RALGPS2: variants seen among roughly 807,000 people sequenced by gnomAD.
RALGPS2 encodes Ral GEF with PH domain and SH3 binding motif 2, also known as ras-specific guanine nucleotide-releasing factor RalGPS2.
Under a neutral mutation model 86.8 loss-of-function variants are expected in RALGPS2, and 43 were observed. The observed-to-expected ratio is 0.50, with a 90% CI of 0.39 to 0.64. The LOEUF is 0.64. RALGPS2 is among the 30% of genes least tolerant of loss of function. The probability of loss-of-function intolerance (pLI) is 0.00; values close to 1 mark genes in which losing one functional copy is unlikely to be tolerated. For synonymous variants in RALGPS2, 243 were observed against 231.3 expected, an observed-to-expected ratio of 1.05 and a Z score of -0.46; for missense variants, 536 against 694.6, an observed-to-expected ratio of 0.77 and a Z score of 2.57.
intron 1 of RALGPS2, among the ~76,000 whole-genome samples, chr1:178,768,621 T>C (rs1353372605): frequency 1.3e-5 from 2 of 152,294 alleles, no homozygotes; most frequent in Non-Finnish European, 2.9e-5. Flanking sequence ...GGCAGTGGGC[T>C]GATTTGTGGA....
intron 4 of RALGPS2, among the ~76,000 whole-genome samples, chr1:178,797,398 A>G (rs368903604): frequency 6.6e-6 from 1 of 152,166 alleles, no homozygotes; most frequent in Non-Finnish European, 1.5e-5. Flanking sequence ...CCAGGTAACC[A>G]TAAATGCATG....
intron 19 of RALGPS2, among the ~76,000 whole-genome samples, chr1:178,916,091 C>T (rs1345550925): frequency 2.6e-5 from 4 of 152,106 alleles, no homozygotes; most frequent in Non-Finnish European, 5.9e-5. Context: ...TTGTCTCTAC[C>T]CCTTCTCCTG....
chr1:178,884,325 A>G (rs112015134), intron 11 of RALGPS2, among the ~76,000 whole-genome samples: 2 of 152,216 alleles, frequency 1.3e-5, no homozygotes, highest in African/African-American at 4.8e-5. Context: ...GATATTATGC[A>G]TATACCACAA....
chr1:178,783,173 G>A lies in RALGPS2; in HGVS notation c.58-1245G>A, dbSNP rs140830068. On this transcript the variant is annotated intron_variant, in intron 2 of 19. Transcript: ENST00000367635. ...TATTAAAACTATTAAGAATTGAAAA[G>A]AAATGCTAGGATTCAAAAGCACTGT... Among the ~76,000 whole-genome samples the A allele has an allele frequency of 9.1e-4, 139 of 152,242 alleles. 1 individual carries two copies. The highest frequency in any genetic ancestry group is 3.2e-3 in the African/African-American group (135 of 41,556).
At chr1:178,900,258 A>G (rs1245798871) in intron 17 of RALGPS2, among the ~76,000 whole-genome samples, 1 of 152,004 alleles carries the variant, frequency 6.6e-6, no homozygotes, top group African/African-American at 2.4e-5. Context: ...GGAAGTCTGT[A>G]TACCTTATTT....
intron 8 of RALGPS2, among the ~76,000 whole-genome samples, chr1:178,855,195 G>A (rs1387883239): frequency 1.3e-5 from 2 of 151,920 alleles, no homozygotes; most frequent in African/African-American, 4.8e-5. Context: ...GTCTTACTGG[G>A]ATAGAATTAA....
chr1:178,853,485 G>T, intron 8 of RALGPS2: 2 of 953,268 alleles, frequency 2.1e-6, no homozygotes, highest in Middle Eastern at 5.7e-4. Flanking sequence ...AAAACATATG[G>T]ATAGTTATTT....
intron 1 of RALGPS2, chr1:178,746,677 T>G: frequency 1.3e-6 from 1 of 772,508 alleles, no homozygotes; most frequent in Non-Finnish European, 2.4e-6. Context: ...TCTCAAGTCA[T>G]GAATATTAGG....
intron 8 of RALGPS2, among the ~76,000 whole-genome samples, chr1:178,867,071 G>A (rs1658460651): frequency 6.6e-6 from 1 of 152,046 alleles, no homozygotes; most frequent in Non-Finnish European, 1.5e-5. Context: ...CTAAGACAGA[G>A]CTTTTCTGTC....
chr1:178,852,402 T>A (rs1389826338), intron 8 of RALGPS2, among the ~76,000 whole-genome samples: 1 of 152,210 alleles, frequency 6.6e-6, no homozygotes, highest in South Asian at 2.1e-4. Flanking sequence ...TAGTATTTGT[T>A]ATGAATTGTA....
intron 7 of RALGPS2, among the ~76,000 whole-genome samples, chr1:178,821,993 A>C (rs72707205): frequency 1.3e-5 from 2 of 152,152 alleles, no homozygotes; most frequent in African/African-American, 4.8e-5. Flanking sequence ...TATTCAACTG[A>C]TGGAAGGTAT....
At chr1:178,905,777 A>G (rs1025984675) in intron 18 of RALGPS2, among the ~76,000 whole-genome samples, 1 of 152,208 alleles carries the variant, frequency 6.6e-6, no homozygotes, top group African/African-American at 2.4e-5. Flanking sequence ...ACATATAACC[A>G]TTTAAAATAT....
At chr1:178,841,674 T>C in intron 8 of RALGPS2, among the ~76,000 whole-genome samples, 1 of 79,670 alleles carries the variant, frequency 1.3e-5, no homozygotes, top group African/African-American at 5.2e-5. Flanking sequence ...GAGAAGGAAA[T>C]AAAGGGTATT....
At chr1:178,792,895 C>T (rs1358212405) in intron 4 of RALGPS2, among the ~76,000 whole-genome samples, 1 of 151,924 alleles carries the variant, frequency 6.6e-6, no homozygotes, top group Non-Finnish European at 1.5e-5. Context: ...ATTAATATAC[C>T]CTTGCAACTC....
chr1:178,778,616 T>G (rs1164015060), intron 2 of RALGPS2, among the ~76,000 whole-genome samples: 1 of 117,024 alleles, frequency 8.5e-6, no homozygotes, highest in Non-Finnish European at 1.8e-5. Context: ...GCGGCATTAT[T>G]CACAATAGCA....
At chr1:178,837,915 A>T (rs1656362177) in intron 8 of RALGPS2, among the ~76,000 whole-genome samples, 1 of 152,228 alleles carries the variant, frequency 6.6e-6, no homozygotes, top group South Asian at 2.1e-4. Context: ...CCACGCCCAC[A>T]GAGCCTTGTT....
In RALGPS2 at chr1:178,835,082, G is replaced by A. The variant is rs1439893128; in HGVS notation, c.607+1532G>A. Among the ~76,000 whole-genome samples the A allele has an allele frequency of 4.6e-5, 7 of 152,158 alleles. No homozygotes were observed. In the East Asian group the frequency reaches 1.3e-3, roughly 29 times the overall value. On this transcript the variant is annotated intron_variant, in intron 8 of 19. Coordinates refer to ENST00000367635, the MANE Select transcript of RALGPS2 (RefSeq NM_152663.5). ...CATGAGCCATCACACCCAGCGTGGT[G>A]CTCTGTGTTTTACCATAGCCTTGGC...
chr1:178,839,853 G>A (rs572194058), intron 8 of RALGPS2, among the ~76,000 whole-genome samples: 30 of 152,032 alleles, frequency 2.0e-4, no homozygotes, highest in African/African-American at 3.1e-4. Context: ...AAGGGGTTGC[G>A]ATCCTAGTCT....
chr1:178,808,076 A>G lies in RALGPS2; in HGVS notation c.245A>G (p.Glu82Gly), dbSNP rs1437964597. Residue 82 changes from glutamate to glycine, a missense_variant, in exon 5 of 20, where the codon GAA becomes GGA. This residue lies in a region of RALGPS2 where 184 missense variants were observed against 296.7 expected (regional missense o/e 0.62). Coordinates refer to ENST00000367635, the MANE Select transcript of RALGPS2 (RefSeq NM_152663.5). ...ELSSCGWNKKEKYSSAPNAVA... is the reference protein window; with the variant it reads ...ELSSCGWNKKGKYSSAPNAVA... ...TCAAGTTGTGGATGGAATAAAAAAG[A>G]AAAATATAGTTCTGCACCAAATGCA... 2 of 1,611,256 alleles carry G rather than the reference A, an allele frequency of 1.2e-6. No individual in the cohort carries two copies. The highest frequency in any genetic ancestry group is 3.3e-5 in the Admixed American group (2 of 59,874).
Sources: gnomAD v4.1 joint callset for allele counts (sites outside exome capture counted in the v4.1 genomes callset) on GRCh38, gnomAD v4.1.1 for gene constraint, gnomAD v4.1.1 regional missense constraint, MANE v1.5 for transcripts, NCBI Gene and HGNC (gene_info 2026-07-23, HGNC 2026-07-21) for gene names.